The following AMBRA1 variants were observed in gnomAD, a reference collection of about 807,000 sequenced individuals.
The protein encoded by AMBRA1 is autophagy and beclin 1 regulator 1, also known as activating molecule in BECN1-regulated autophagy protein 1.
A neutral mutation model predicts 125.4 loss-of-function variants in AMBRA1; 47 were observed. The ratio of observed to expected loss-of-function variants is 0.37; its 90% CI spans 0.30 to 0.48. AMBRA1 has a LOEUF of 0.48. AMBRA1 is among the 20% of genes least tolerant of loss of function. AMBRA1 has a pLI of 0.99. For synonymous variants in AMBRA1, 626 were observed against 655.5 expected, an observed-to-expected ratio of 0.95 and a Z score of 0.69; for missense variants, 1,331 against 1,693.4, an observed-to-expected ratio of 0.79 and a Z score of 3.76.
intron 7 of AMBRA1, among the ~76,000 whole-genome samples, chr11:46,527,060 ACT>A (rs1952003693): frequency 1.3e-5 from 2 of 152,120 alleles, no homozygotes; most frequent in South Asian, 4.1e-4. Flanking sequence ...AAAGACTTGC[ACT>A]CTCTCCTATC....
At chr11:46,499,145 T>C (rs1950741335) in intron 9 of AMBRA1, among the ~76,000 whole-genome samples, 1 of 152,234 alleles carries the variant, frequency 6.6e-6, no homozygotes, top group South Asian at 2.1e-4. Flanking sequence ...ATACAAGAGA[T>C]AATTACCATT....
intron 7 of AMBRA1, 114 bp from the exon 8 acceptor site, chr11:46,512,927 G>A (rs1462387231): frequency 1.6e-5 from 14 of 881,176 alleles, no homozygotes; most frequent in Non-Finnish European, 1.7e-5. Context: ...GCCAGCTAAC[G>A]CCTGTTATCT....
At chr11:46,575,495 A>G (rs1009586493) in intron 1 of AMBRA1, among the ~76,000 whole-genome samples, 1 of 142,300 alleles carries the variant, frequency 7.0e-6, no homozygotes, top group Non-Finnish European at 1.5e-5. Context: ...AACAACAGAA[A>G]TTTGTTTTTT....
At chr11:46,568,855 G>A (rs1053259902) in intron 1 of AMBRA1, among the ~76,000 whole-genome samples, 15 of 137,134 alleles carry the variant, frequency 1.1e-4, no homozygotes, top group Admixed American at 6.1e-4. Flanking sequence ...TGCCCAGGCT[G>A]GAGAGCAGTG....
At chr11:46,491,738 T>C (rs556543878) in intron 11 of AMBRA1, among the ~76,000 whole-genome samples, 1 of 152,318 alleles carries the variant, frequency 6.6e-6, no homozygotes, top group South Asian at 2.1e-4. Context: ...ATAGATTTTC[T>C]CAGATTTCAC....
chr11:46,501,725 A>C (rs985461719), intron 9 of AMBRA1, among the ~76,000 whole-genome samples: 3 of 152,254 alleles, frequency 2.0e-5, no homozygotes, highest in Admixed American at 6.5e-5. Context: ...TATTTTTATT[A>C]ATCTTTTAGA....
At chr11:46,561,486 A>G (rs2135240041) in intron 1 of AMBRA1, among the ~76,000 whole-genome samples, 1 of 152,308 alleles carries the variant, frequency 6.6e-6, no homozygotes, top group South Asian at 2.1e-4. Flanking sequence ...CATCAGACAA[A>G]TAAGAAAAAC....
At chr11:46,574,146 AG>A (rs1182047089) in intron 1 of AMBRA1, among the ~76,000 whole-genome samples, 2 of 144,230 alleles carry the variant, frequency 1.4e-5, no homozygotes, top group Non-Finnish European at 1.5e-5. Context: ...GTGTCTTTAT[AG>A]CAGCATGATT....
At chr11:46,488,874 C>G (rs1265626550) in intron 11 of AMBRA1, among the ~76,000 whole-genome samples, 1 of 152,134 alleles carries the variant, frequency 6.6e-6, no homozygotes, top group Non-Finnish European at 1.5e-5. Flanking sequence ...AGAAGTCGTA[C>G]TGAGAAGTGA....
At chr11:46,466,740 A>G (rs1334837877) in intron 11 of AMBRA1, among the ~76,000 whole-genome samples, 1 of 152,108 alleles carries the variant, frequency 6.6e-6, no homozygotes, top group Non-Finnish European at 1.5e-5. Context: ...ACCTACCCAT[A>G]ATTTTTAAAG....
At chr11:46,546,970 C>T (rs1385601241) in intron 4 of AMBRA1, 143 bp downstream of exon 4, 23 of 725,776 alleles carry the variant, frequency 3.2e-5, no homozygotes, top group Non-Finnish European at 5.0e-5. Context: ...ACTTGGGAGG[C>T]TGAAGCAGAA....
At chr11:46,471,280 A>G (rs565335071) in intron 11 of AMBRA1, among the ~76,000 whole-genome samples, 1 of 152,160 alleles carries the variant, frequency 6.6e-6, no homozygotes, top group East Asian at 1.9e-4. Context: ...CACCTCTGCT[A>G]AAAAATATAA....
In AMBRA1 at chr11:46,542,696, T is replaced by C; in HGVS notation, c.1321A>G (p.Ser441Gly). The change falls in exon 7 of 18, where the codon AGT becomes GGT. Residue 441 changes from serine to glycine, a missense_variant. Physicochemically the swap from Ser to Gly is moderately conservative, Grantham distance 56 (BLOSUM62 0). This residue lies in a region of AMBRA1 where 689 missense variants were observed against 776.5 expected (regional missense o/e 0.89). Transcript: ENST00000683756. This position sits in a 1 kb window ranked among gnomAD's most constrained non-coding sequence, Gnocchi z 5.9. ...EAESMPPPRT[S>G]ASSVSLLSVL... ...GACAGCAAACTCACCGAAGAGGCAC[T>C]GGTTCTGGGCGGGGGCATGGATTCC... The C allele has an allele frequency of 6.2e-7, 1 of 1,614,134 alleles. No homozygotes were observed. The highest frequency in any genetic ancestry group is 8.5e-7 in the Non-Finnish European group (1 of 1,180,026).
intron 12 of AMBRA1, among the ~76,000 whole-genome samples, 167 bp downstream of exon 12, chr11:46,443,321 T>C (rs374788441): frequency 1.3e-5 from 2 of 152,346 alleles, no homozygotes; most frequent in East Asian, 3.9e-4. Flanking sequence ...GGTTGATATC[T>C]GGTTAATGGA....
intron 7 of AMBRA1, among the ~76,000 whole-genome samples, chr11:46,525,302 A>AAAAT (rs200668615): frequency 2.0e-5 from 3 of 152,054 alleles, no homozygotes; most frequent in African/African-American, 4.8e-5. Context: ...CCCTGTTTCA[A>AAAAT]AAATAAATAA....
intron 14 of AMBRA1, among the ~76,000 whole-genome samples, chr11:46,425,083 G>A (rs1947057209): frequency 1.3e-5 from 2 of 152,116 alleles, no homozygotes; most frequent in Admixed American, 6.5e-5. Context: ...GCAGTTAGCC[G>A]AGATCACGCC....
chr11:46,579,904 G>C (rs1313809434), intron 1 of AMBRA1, among the ~76,000 whole-genome samples: 2 of 152,124 alleles, frequency 1.3e-5, no homozygotes, highest in African/African-American at 4.8e-5. Flanking sequence ...GTAGAGACAG[G>C]GTTTTGCCAT....
chr11:46,528,274 C>T (rs956758559), intron 7 of AMBRA1, among the ~76,000 whole-genome samples: 5 of 152,282 alleles, frequency 3.3e-5, no homozygotes, highest in South Asian at 2.1e-4. Flanking sequence ...CAGGTTCAAG[C>T]GATTCTCCTG....
At chr11:46,547,658 T>C (rs1364692777) in intron 3 of AMBRA1, among the ~76,000 whole-genome samples, 159 bp downstream of exon 3, 1 of 152,178 alleles carries the variant, frequency 6.6e-6, no homozygotes. Context: ...AGGTTAGCAC[T>C]GCTCATCTAC....
Sources: allele counts gnomAD v4.1 joint callset (sites outside exome capture counted in the v4.1 genomes callset), GRCh38; gene constraint gnomAD v4.1.1; regional missense constraint gnomAD v4.1.1; non-coding constraint Gnocchi (gnomAD v3.1); transcripts MANE v1.5; gene names NCBI Gene and HGNC (gene_info 2026-07-23, HGNC 2026-07-21).